FNBP4: variants seen among roughly 807,000 people sequenced by gnomAD.
The protein encoded by FNBP4 is formin binding protein 4.
Under a neutral mutation model 119.3 loss-of-function variants are expected in FNBP4, and 34 were observed. The ratio of observed to expected loss-of-function variants is 0.28; its 90% CI spans 0.22 to 0.38. FNBP4 has a LOEUF of 0.38. FNBP4 is among the 10% of genes least tolerant of loss of function. The pLI is 1.00. For synonymous variants in FNBP4, 462 were observed against 430.6 expected (o/e 1.07, Z -0.90); for missense variants, 1,112 against 1,228.9 (o/e 0.90, Z 1.42).
At chr11:47,765,851 C>CTTTTTTTT (rs1167976570) in intron 1 of FNBP4, among the ~76,000 whole-genome samples, 6,112 of 82,112 alleles carry the variant, frequency 0.074, 1,084 homozygotes, top group South Asian at 0.11. Flanking sequence ...GAGCTGGAAT[C>CTTTTTTTT]TTTTTTTTTT....
rs1009103274 is a variant in FNBP4, at chr11:47,749,791, G to A, written c.906+1125C>T. On this transcript the variant is annotated intron_variant, in intron 6 of 16. Transcript: ENST00000263773. ...AGGAAATGCTCACTGGAGCATCTCA[G>A]ATTTCACATTTTCAGATTAAGAATA... 3.9e-5 allele frequency among the ~76,000 whole-genome samples: 6 copies of A among 152,222 alleles called. No homozygotes were observed. The South Asian group carries it at 1.2e-3, about 32-fold the overall frequency.
intron 12 of FNBP4, 181 bp downstream of exon 12, chr11:47,731,193 A>G (rs552228904): frequency 5.7e-6 from 3 of 529,424 alleles, no homozygotes; most frequent in East Asian, 6.7e-5. Flanking sequence ...TTTACACGTG[A>G]TAACAATAGT....
chr11:47,734,454 T>A (rs1256727358), intron 9 of FNBP4, among the ~76,000 whole-genome samples: 1 of 152,126 alleles, frequency 6.6e-6, no homozygotes, highest in Non-Finnish European at 1.5e-5. Flanking sequence ...TGGTCTCAAG[T>A]CAGCCTCCTG....
chr11:47,757,072 C>G lies in FNBP4; in HGVS notation c.314-2408G>C, dbSNP rs370691474. On this transcript the variant is annotated intron_variant, in intron 2 of 16. Coordinates refer to ENST00000263773, the MANE Select transcript of FNBP4 (RefSeq NM_015308.5). ...TTGGGTATATACCCAGTAATGGGAT[C>G]GCTGGGTCAAATGGTATTTCTAGTT... is the stretch of plus-strand genomic sequence containing the variant. Among the ~76,000 whole-genome samples the G allele has an allele frequency of 1.2e-4, 19 of 152,184 alleles. No homozygotes were observed. The East Asian group carries it at 2.1e-3, about 17-fold the overall frequency.
At position 47,765,375 on chromosome 11, in the gene FNBP4, AAAAG is replaced by A. The variant is rs1454187136; in HGVS notation, c.221-17_221-14del. On this transcript the variant is annotated splice_polypyrimidine_tract_variant and intron_variant, in intron 1 of 16. Coordinates refer to ENST00000263773, the MANE Select transcript of FNBP4 (RefSeq NM_015308.5). ...GCTTCCTGTTCATCTGGATTAAAAA[AAAAG>A]AAAAGAAAAGAAAAGAAAAGAAAAG... The A allele has an allele frequency of 6.4e-5, 55 of 863,076 alleles. No homozygotes were observed. Among genetic ancestry groups the A allele is most frequent in the Non-Finnish European group, 8.6e-5 (52 of 606,594 alleles). 53.5% of individuals were successfully genotyped at this position (863,076 alleles called of 1,614,324 possible).
At position 47,732,796 on chromosome 11, in the gene FNBP4, G is replaced by A. The variant is rs1438517468; in HGVS notation, c.1687-126C>T. 9.3e-6 allele frequency: 8 copies of A among 857,348 alleles called. No homozygotes were observed. The African/African-American group carries it at 1.2e-4, about 13-fold the overall frequency. 53.1% of individuals were successfully genotyped at this position (857,348 alleles called of 1,614,324 possible). On this transcript the variant is annotated intron_variant, in intron 10 of 16. Coordinates refer to ENST00000263773, the MANE Select transcript of FNBP4 (RefSeq NM_015308.5). The surrounding 1 kb of genome is among the most constrained non-coding windows in gnomAD (Gnocchi z 4.2). Reference sequence around the variant, plus strand: ...CTCTGGCAGGACAGTAGACCAGAGAGGAAAATAAACCCCATCTTCATCTCA... The same window carrying A: ...CTCTGGCAGGACAGTAGACCAGAGAAGAAAATAAACCCCATCTTCATCTCA...
intron 12 of FNBP4, chr11:47,725,065 T>A: frequency 3.7e-6 from 1 of 272,558 alleles, no homozygotes; most frequent in Non-Finnish European, 6.9e-6. Context: ...ACCTTCCCCA[T>A]CTGTATTATA....
chr11:47,727,213 C>G (rs1395017243), intron 12 of FNBP4, among the ~76,000 whole-genome samples: 1 of 151,216 alleles, frequency 6.6e-6, no homozygotes, highest in African/African-American at 2.4e-5. Flanking sequence ...CCACAAATGA[C>G]GAGCATTTTT....
chr11:47,757,493 T>C (rs12360643), intron 2 of FNBP4, among the ~76,000 whole-genome samples: 52,670 of 151,542 alleles, frequency 0.35, 10,602 homozygotes, highest in South Asian at 0.52. Flanking sequence ...ATTATAGGCG[T>C]GAGCCACCGC....
chr11:47,766,905 C>T (rs1222655166), intron 1 of FNBP4, among the ~76,000 whole-genome samples, 164 bp downstream of exon 1: 16 of 152,076 alleles, frequency 1.1e-4, no homozygotes, highest in Non-Finnish European at 1.5e-5. Context: ...TCGGCCTGGC[C>T]CTTCTGCGGC....
rs11039375 is a variant in FNBP4, at chr11:47,767,143, G to C, written c.146C>G (p.Pro49Arg). The change falls in exon 1 of 17, where the codon CCC (proline) becomes CGC (arginine). Residue 49 changes from proline (P) to arginine (R), a missense_variant. Around this residue, in one of 2 missense-constraint regions of FNBP4, gnomAD observed 286 missense variants for 240.1 expected, o/e 1.19. Coordinates refer to ENST00000263773, the MANE Select transcript of FNBP4 (RefSeq NM_015308.5). ...GGTGGTCGTCGCCGCCGACGGGGCG[G>C]GCTGGCTGGGGACCGCCGCGGTTGA... is the stretch of plus-strand genomic sequence containing the variant. ...PDSTAAVPSQ[P>R]APSAATTTTT... The C allele has an allele frequency of 1.6e-3, 2,511 of 1,544,302 alleles. 70 individuals carry two copies. The East Asian group carries it at 0.054, about 33-fold the overall frequency.
intron 9 of FNBP4, among the ~76,000 whole-genome samples, chr11:47,735,401 A>C (rs1297533251): frequency 1.3e-5 from 2 of 152,188 alleles, no homozygotes; most frequent in Non-Finnish European, 2.9e-5. Context: ...AGTCAAAAGA[A>C]TATGTTAAGT....
chr11:47,719,873 A>G, intron 16 of FNBP4, 56 bp downstream of exon 16: 1 of 1,579,482 alleles, frequency 6.3e-7, no homozygotes, highest in Non-Finnish European at 8.6e-7. Flanking sequence ...TCCATCTCAT[A>G]GTAGGTCTCA....
At chr11:47,721,670 T>C (rs1599155950) in intron 15 of FNBP4, among the ~76,000 whole-genome samples, 1 of 152,078 alleles carries the variant, frequency 6.6e-6, no homozygotes, top group African/African-American at 2.4e-5. Flanking sequence ...ATATTTTTTC[T>C]TTTCGCTTAC....
chr11:47,765,225 G>T (rs912458139), intron 2 of FNBP4, 45 bp downstream of exon 2: 3 of 1,327,132 alleles, frequency 2.3e-6, no homozygotes, highest in Non-Finnish European at 3.2e-6. Flanking sequence ...TGACTTTAAT[G>T]AAAGACGTGG....
rs373602854 is a variant in FNBP4, at chr11:47,752,916, C to T, written c.637G>A (p.Val213Ile). 8 of 1,607,658 alleles carry T rather than the reference C, an allele frequency of 5.0e-6. No homozygotes were observed. Among genetic ancestry groups the T allele is most frequent in the Non-Finnish European group, 6.8e-6 (8 of 1,176,676 alleles). Reference protein sequence around the residue: ...QYDTQCSLAGVGIEMGDWQEV... With the variant: ...QYDTQCSLAGIGIEMGDWQEV... ...TTAAAAATCAAAGGATCAAGTTTACCTCCTGCCAGTGAACACTGAGTATCA... is the reference window on the plus strand; with the variant it reads ...TTAAAAATCAAAGGATCAAGTTTACTTCCTGCCAGTGAACACTGAGTATCA... Residue 213 changes from valine (V) to isoleucine (I), a missense_variant and splice_region_variant, in exon 4 of 17, where the codon GTC becomes ATC. By Grantham distance (29) the Val-to-Ile change is conservative (BLOSUM62 3). Around this residue, in one of 2 missense-constraint regions of FNBP4, gnomAD observed 826 missense variants for 988.8 expected, o/e 0.84. Transcript: ENST00000263773.
chr11:47,741,149 G>T (rs1042930575), intron 8 of FNBP4, among the ~76,000 whole-genome samples: 1 of 151,454 alleles, frequency 6.6e-6, no homozygotes, highest in Non-Finnish European at 1.5e-5. Context: ...GATTACAGGC[G>T]TGAGCCACCG....
chr11:47,724,854 G>A, intron 12 of FNBP4, 76 bp from the exon 13 acceptor site: 1 of 1,496,970 alleles, frequency 6.7e-7, no homozygotes, highest in African/African-American at 1.4e-5. Flanking sequence ...ATGTTCAACT[G>A]GTCAGTAAGA....
chr11:47,765,854 T>TTTTTTC lies in FNBP4; in HGVS notation c.221-493_221-492insGAAAAA, dbSNP rs1383381860. ...ATAATAAACACAGAGCTGGAATCTT[T>TTTTTTC]TTTTTTTTTTTTTTTTGAGACGGAG... is the stretch of plus-strand genomic sequence containing the variant. On this transcript the variant is annotated intron_variant, in intron 1 of 16. Coordinates refer to ENST00000263773, the MANE Select transcript of FNBP4 (RefSeq NM_015308.5). Among the ~76,000 whole-genome samples the TTTTTTC allele has an allele frequency of 1.6e-5, 2 of 122,106 alleles. 1 individual carries two copies. The allele number at this position is 122,106 out of a possible 152,430, so 80.1% of individuals were successfully genotyped here. A position where few individuals can be genotyped will look rare whatever the true frequency, so the allele number is the denominator to read the frequency against.
Sources: allele counts gnomAD v4.1 joint callset (sites outside exome capture counted in the v4.1 genomes callset), GRCh38; gene constraint gnomAD v4.1.1; regional missense constraint gnomAD v4.1.1; non-coding constraint Gnocchi (gnomAD v3.1); transcripts MANE v1.5; gene names NCBI Gene and HGNC (gene_info 2026-07-23, HGNC 2026-07-21).